OSGEPL1: variants seen among roughly 807,000 people sequenced by gnomAD.
OSGEPL1 encodes the protein O-sialoglycoprotein endopeptidase like 1.
In OSGEPL1, 26 loss-of-function variants were observed where a neutral mutation model predicts 37.2. That is an observed-to-expected ratio of 0.70 (90% CI 0.51 to 0.97). OSGEPL1 has a LOEUF of 0.97. Among genes scored for constraint, OSGEPL1 ranks in the 50% least tolerant of loss-of-function variants. The pLI is 0.00. For missense variants in OSGEPL1, 404 were observed against 487.0 expected (o/e 0.83, Z 1.60); for synonymous variants, 140 against 159.9 (o/e 0.88, Z 0.94).
At chr2:189,753,030 A>C (rs567023910) in intron 5 of OSGEPL1, 51 bp from the exon 6 acceptor site, 2 of 1,494,378 alleles carry the variant, frequency 1.3e-6, no homozygotes, top group African/African-American at 2.8e-5. Context: ...ATATGAACCA[A>C]GCTGCTAATT....
rs527869740 is a variant in OSGEPL1 at position 189,753,837 on chromosome 2, A to G, written c.963+79T>C. On this transcript the variant is annotated intron_variant, in intron 5 of 8. Coordinates refer to ENST00000264151, the MANE Select transcript of OSGEPL1 (RefSeq NM_022353.3). ...TAAGGCATAAAGATCTGTTCATCCT[A>G]AACACAAGGTCAAGGTCTTGGGAAA... is the stretch of plus-strand genomic sequence containing the variant. 1.0e-5 allele frequency: 15 copies of G among 1,463,496 alleles called. No individual in the cohort carries two copies. In the South Asian group the frequency reaches 1.4e-4, roughly 13 times the overall value. 90.7% of individuals were successfully genotyped at this position (1,463,496 alleles called of 1,614,324 possible). A position where few individuals can be genotyped will look rare whatever the true frequency, so the allele number is the denominator to read the frequency against.
At chr2:189,754,653 T>A (rs2045806985) in intron 3 of OSGEPL1, 2 of 308,588 alleles carry the variant, frequency 6.5e-6, no homozygotes, top group Non-Finnish European at 1.2e-5. Context: ...GAACTTGTCC[T>A]ATACTTCCTA....
At chr2:189,758,352 G>A (rs751599906) in intron 2 of OSGEPL1, among the ~76,000 whole-genome samples, 34 of 151,970 alleles carry the variant, frequency 2.2e-4, no homozygotes, top group Non-Finnish European at 4.6e-4. Context: ...TTGCACTCTG[G>A]TCTGGGCAAC....
chr2:189,757,565 T>C (rs1389090732), intron 2 of OSGEPL1, among the ~76,000 whole-genome samples: 2 of 152,232 alleles, frequency 1.3e-5, no homozygotes, highest in Non-Finnish European at 2.9e-5. Flanking sequence ...GTGGTCATTA[T>C]TATCATTTTA....
At chr2:189,748,531 A>G (rs1389640169) in intron 8 of OSGEPL1, among the ~76,000 whole-genome samples, 1 of 152,246 alleles carries the variant, frequency 6.6e-6, no homozygotes, top group Non-Finnish European at 1.5e-5. Flanking sequence ...CTTAACCACT[A>G]AAAAATAAGA....
chr2:189,758,732 T>TA (rs1213039817), intron 2 of OSGEPL1, among the ~76,000 whole-genome samples: 2 of 152,238 alleles, frequency 1.3e-5, no homozygotes, highest in African/African-American at 4.8e-5. Flanking sequence ...GCATAGTGAT[T>TA]AATATAGACA....
At position 189,753,513 on chromosome 2, in the gene OSGEPL1, C is replaced by G. The variant is rs577021653; in HGVS notation, c.963+403G>C. Among the ~76,000 whole-genome samples the G allele has an allele frequency of 1.6e-3, 237 of 152,012 alleles. 2 individuals are homozygous for G. The highest frequency in any genetic ancestry group is 5.6e-3 in the Admixed American group (86 of 15,266). On this transcript the variant is annotated intron_variant, in intron 5 of 8. Coordinates refer to ENST00000264151, the MANE Select transcript of OSGEPL1 (RefSeq NM_022353.3). ...CAGAACTTTATCAACATTAGTGTCACGAAAGTTGGTATACCACCTCCCACT... is the reference window on the plus strand; with the variant it reads ...CAGAACTTTATCAACATTAGTGTCAGGAAAGTTGGTATACCACCTCCCACT...
At chr2:189,761,250 A>C (rs1252276789) in intron 2 of OSGEPL1, 170 bp downstream of exon 2, 2 of 559,036 alleles carry the variant, frequency 3.6e-6, no homozygotes, top group African/African-American at 4.0e-5. Context: ...TATTGTGAAG[A>C]CCCTTAAAAG....
chr2:189,753,131 ATTTGG>A, intron 5 of OSGEPL1, 152 bp from the exon 6 acceptor site: 2 of 573,362 alleles, frequency 3.5e-6, no homozygotes. Context: ...TGTAATAAAA[ATTTGG>A]AAAGAAAAAA....
chr2:189,754,222 G>T lies in OSGEPL1; in HGVS notation c.733C>A (p.His245Asn). Reference protein sequence around the residue: ...FHFDIKPPLHHAKNCDFSFTG... With the variant: ...FHFDIKPPLHNAKNCDFSFTG... The stretch of plus-strand genomic sequence containing the variant: ...AAAGAAAAATCACAATTTTTAGCAT[G>T]ATGCAAGGGAGGTTTGATGTCAAAA... Residue 245 changes from histidine (H) to asparagine (N), a missense_variant, in exon 4 of 9, where the codon CAT (histidine) becomes AAT (asparagine). By Grantham distance (68) the His-to-Asn change is moderately conservative. Transcript: ENST00000264151. The T allele has an allele frequency of 6.2e-7, 1 of 1,613,856 alleles. No homozygotes were observed. The highest frequency in any genetic ancestry group is 8.5e-7 in the Non-Finnish European group (1 of 1,179,824).
chr2:189,759,991 C>T (rs577402998), intron 2 of OSGEPL1, among the ~76,000 whole-genome samples: 30 of 152,234 alleles, frequency 2.0e-4, no homozygotes, highest in African/African-American at 5.8e-4. Flanking sequence ...AAGCATCTGT[C>T]TAACAAAGCA....
Position 189,746,709 on chromosome 2 carries a change from A to T in OSGEPL1, c.*488T>A. On this transcript the variant is annotated 3_prime_UTR_variant, in exon 9 of 9. Transcript: ENST00000264151. The stretch of plus-strand genomic sequence containing the variant: ...TTAATAATGGTAATATGCAAATAAC[A>T]TAACTGAATAATCTTTTTGAATGAA... 7.5e-7 allele frequency: 1 copy of T among 1,337,612 alleles called. No individual in the cohort carries two copies. The highest frequency in any genetic ancestry group is 9.9e-7 in the Non-Finnish European group (1 of 1,006,210). The allele number at this position is 1,337,612 out of a possible 1,614,324, so 82.9% of individuals were successfully genotyped here.
rs1194493460 is a variant in OSGEPL1 at position 189,761,421 on chromosome 2, T to C, written c.220A>G (p.Lys74Glu). The C allele has an allele frequency of 6.3e-6, 10 of 1,596,318 alleles. No individual in the cohort carries two copies. The highest frequency in any genetic ancestry group is 4.1e-5 in the African/African-American group (3 of 73,842). Residue 74 changes from lysine to glutamate, a missense_variant and splice_region_variant, in exon 2 of 9, where the codon AAA (lysine) becomes GAA (glutamate). By Grantham distance (56) the Lys-to-Glu change is moderately conservative. Coordinates refer to ENST00000264151, the MANE Select transcript of OSGEPL1 (RefSeq NM_022353.3). ...AIHSQTEVHLKTGGIVPPAAQ... is the reference protein window; with the variant it reads ...AIHSQTEVHLETGGIVPPAAQ... ...ATGACTAAGATAATGTCTACTTACT[T>C]TAAATGAACTTCAGTTTGGGAATGT...
Position 189,761,563 on chromosome 2 carries a change from A to T in OSGEPL1, c.78T>A (p.Phe26Leu). Residue 26 changes from phenylalanine to leucine, a missense_variant, in exon 2 of 9, where the codon TTT becomes TTA. Phe to Leu is a conservative substitution (Grantham distance 22). Transcript: ENST00000264151. Reference sequence around the variant, plus strand: ...GAAATAGTGTTCCAGGATGAAAATTAAAACTTCTTAAAAATTCATAAACTT... The same window carrying T: ...GAAATAGTGTTCCAGGATGAAAATTTAAACTTCTTAAAAATTCATAAACTT... ...KRKVYEFLRS[F>L]NFHPGTLFLH... 2 of 1,610,580 alleles carry T rather than the reference A, an allele frequency of 1.2e-6. No homozygotes were observed. Among genetic ancestry groups the T allele is most frequent in the Non-Finnish European group, 1.7e-6 (2 of 1,178,840 alleles).
At chr2:189,756,706 C>T (rs1432167689) in intron 2 of OSGEPL1, among the ~76,000 whole-genome samples, 1 of 152,092 alleles carries the variant, frequency 6.6e-6, no homozygotes, top group Non-Finnish European at 1.5e-5. Flanking sequence ...CCTCACTCTC[C>T]GCATTTAAGT....
intron 8 of OSGEPL1, among the ~76,000 whole-genome samples, chr2:189,749,835 G>T (rs1051325200): frequency 1.1e-4 from 17 of 152,170 alleles, no homozygotes; most frequent in Non-Finnish European, 2.2e-4. Flanking sequence ...TGACATGACT[G>T]ATCTAAAATT....
chr2:189,754,372 T>A, intron 3 of OSGEPL1, 27 bp from the exon 4 acceptor site: 1 of 1,558,220 alleles, frequency 6.4e-7, no homozygotes, highest in African/African-American at 1.4e-5. Flanking sequence ...TTTTTTAGAG[T>A]CATAAAATTA....
At position 189,761,474 on chromosome 2, in the gene OSGEPL1, T is replaced by G; in HGVS notation, c.167A>C (p.Glu56Ala). 6.2e-7 allele frequency: 1 copy of G among 1,612,888 alleles called. No individual in the cohort carries two copies. Among genetic ancestry groups the G allele is most frequent in the South Asian group, 1.1e-5 (1 of 90,748 alleles). ...TGCTTCTCCCAACACATTTCCAGTT[T>G]CATCCACCACAGCAGCTGCTGTATC... ...CDDTAAAVVD[E>A]TGNVLGEAIH... Residue 56 changes from glutamate (E) to alanine (A), a missense_variant, in exon 2 of 9, where the codon GAA (glutamate) becomes GCA (alanine). By Grantham distance (107) the Glu-to-Ala change is moderately radical. Transcript: ENST00000264151.
chr2:189,755,648 T>TA (rs1311103477), intron 2 of OSGEPL1, 88 bp from the exon 3 acceptor site: 1 of 1,375,410 alleles, frequency 7.3e-7, no homozygotes. Context: ...GTCTTCAAGT[T>TA]AATCATTATA....
Sources: allele counts gnomAD v4.1 joint callset (sites outside exome capture counted in the v4.1 genomes callset), GRCh38; gene constraint gnomAD v4.1.1; transcripts MANE v1.5; gene names NCBI Gene and HGNC (gene_info 2026-07-23, HGNC 2026-07-21).